ZNF559: variants seen among roughly 807,000 people sequenced by gnomAD.
ZNF559 encodes the protein zinc finger protein 559, also known as putative protein product of Nbla00121.
ZNF559 carries 17 observed loss-of-function variants against 14.2 expected under a neutral mutation model. The ratio of observed to expected loss-of-function variants is 1.20; its 90% CI spans 0.82 to 1.80. The LOEUF is 1.80. Among genes scored for constraint, ZNF559 ranks in the 40% most tolerant of loss-of-function variants. The probability of loss-of-function intolerance (pLI) is 0.00; values close to 1 mark genes in which losing one functional copy is unlikely to be tolerated. For synonymous variants in ZNF559, 244 were observed against 212.4 expected (o/e 1.15, Z -1.29); for missense variants, 740 against 629.7 (o/e 1.18, Z -1.88).
chr19:9,324,243 C>T lies in ZNF559; in HGVS notation c.-206+15C>T. On this transcript the variant is annotated intron_variant, in intron 1 of 6. Transcript: ENST00000603380. The stretch of plus-strand genomic sequence containing the variant: ...TGGCGTCTGAGGTAAGTTTTTGTTT[C>T]TGGGCGGCGTTCGGTGGTGTCCCGG... 6.5e-7 allele frequency: 1 copy of T among 1,536,080 alleles called. No homozygotes were observed. Among genetic ancestry groups the T allele is most frequent in the South Asian group, 1.2e-5 (1 of 84,066 alleles).
chr19:9,342,795 C>G lies in ZNF559; in HGVS notation c.1344C>G (p.Tyr448Ter), dbSNP rs1293828163. 2 of 1,613,834 alleles carry G rather than the reference C, an allele frequency of 1.2e-6. No homozygotes were observed. The highest frequency in any genetic ancestry group is 2.2e-5 in the South Asian group (2 of 91,058). Residue 448 changes from tyrosine (Y) to a stop codon, truncating the protein, a stop_gained, in exon 7 of 7, where the codon TAC (tyrosine) becomes TAG (stop). Transcript: ENST00000603380. LOFTEE classifies it low-confidence loss of function (END_TRUNC). ...AGGAATGTGGGAAAGCCTTTAGATA[C>G]TCCTCGCACCTTAGTCAACATAAAA... ...ECEECGKAFR[Y>*]SSHLSQHKRI...
At chr19:9,330,782 G>T (rs1254875547) in intron 2 of ZNF559, among the ~76,000 whole-genome samples, 1 of 152,066 alleles carries the variant, frequency 6.6e-6, no homozygotes, top group Non-Finnish European at 1.5e-5. Flanking sequence ...TCCTTCTCAG[G>T]TTATTCACAG....
intron 2 of ZNF559, among the ~76,000 whole-genome samples, chr19:9,329,399 T>G (rs1319719487): frequency 3.3e-5 from 5 of 152,190 alleles, no homozygotes; most frequent in Admixed American, 3.3e-4. Context: ...ATATTTGCTT[T>G]ATGTATGATG....
At position 9,342,791 on chromosome 19, in the gene ZNF559, G is replaced by GATA; in HGVS notation, c.1341_1343dup (p.Arg447_Tyr448insTer). ...TGTGAGGAATGTGGGAAAGCCTTTA[G>GATA]ATACTCCTCGCACCTTAGTCAACAT... On this transcript the variant is annotated stop_gained and inframe_insertion, in exon 7 of 7. Transcript: ENST00000603380. LOFTEE classifies it low-confidence loss of function (END_TRUNC). The GATA allele has an allele frequency of 6.2e-7, 1 of 1,613,818 alleles. No homozygotes were observed. Among genetic ancestry groups the GATA allele is most frequent in the Non-Finnish European group, 8.5e-7 (1 of 1,179,958 alleles).
chr19:9,332,538 A>G (rs2066996034), intron 2 of ZNF559, among the ~76,000 whole-genome samples: 1 of 152,162 alleles, frequency 6.6e-6, no homozygotes, highest in African/African-American at 2.4e-5. Flanking sequence ...CAGGGAGGCT[A>G]CATGCACCTC....
At chr19:9,334,412 G>A (rs1356953843) in intron 2 of ZNF559, among the ~76,000 whole-genome samples, 1 of 152,176 alleles carries the variant, frequency 6.6e-6, no homozygotes, top group African/African-American at 2.4e-5. Context: ...ATTATGGAGT[G>A]CTTTTCGGTA....
intron 2 of ZNF559, among the ~76,000 whole-genome samples, chr19:9,332,490 C>T (rs906381574): frequency 3.9e-5 from 6 of 152,074 alleles, no homozygotes; most frequent in Non-Finnish European, 7.4e-5. Context: ...ACCCCTTTGC[C>T]CTGCCACTTG....
In ZNF559 at chr19:9,327,798, G is replaced by A. The variant is rs541290598; in HGVS notation, c.-120+3018G>A. On this transcript the variant is annotated intron_variant, in intron 2 of 6. Transcript: ENST00000603380. ...GTATTATAATCAATTCCTGTCATTC[G>A]TATTGATGCTCAAACTGTCCCAATT... Among the ~76,000 whole-genome samples the A allele has an allele frequency of 9.2e-5, 14 of 151,566 alleles. 1 individual carries two copies. Among genetic ancestry groups the A allele is most frequent in the African/African-American group, 2.9e-4 (12 of 41,266 alleles).
upstream of ZNF559, chr19:9,324,059 G>GC: frequency 1.7e-6 from 2 of 1,209,074 alleles, no homozygotes; most frequent in Middle Eastern, 4.0e-4. Flanking sequence ...GAGGTAAACA[G>GC]CATTTCCTCT....
At chr19:9,340,849 G>A (rs924875703) in intron 5 of ZNF559, among the ~76,000 whole-genome samples, 2 of 151,362 alleles carry the variant, frequency 1.3e-5, no homozygotes, top group Non-Finnish European at 2.9e-5. Context: ...GGGATTACAG[G>A]TGTGAGCCAC....
At chr19:9,335,008 C>T (rs573266100) in intron 2 of ZNF559, among the ~76,000 whole-genome samples, 43 of 151,888 alleles carry the variant, frequency 2.8e-4, no homozygotes, top group African/African-American at 8.7e-4. Flanking sequence ...TGGTGGTGGG[C>T]GCCTGTAGTC....
chr19:9,341,580 G>A, intron 6 of ZNF559, 115 bp from the exon 7 acceptor site: 4 of 1,554,556 alleles, frequency 2.6e-6, no homozygotes, highest in Non-Finnish European at 2.6e-6. Flanking sequence ...GGAACAAACA[G>A]TTTCAATTAT....
chr19:9,330,817 A>G (rs1431250774), intron 2 of ZNF559, among the ~76,000 whole-genome samples: 1 of 152,116 alleles, frequency 6.6e-6, no homozygotes, highest in Non-Finnish European at 1.5e-5. Flanking sequence ...TGGGTTGGCT[A>G]CTGAATATTT....
chr19:9,339,404 A>AT (rs1351325615), intron 5 of ZNF559, 85 bp downstream of exon 5: 1 of 1,445,442 alleles, frequency 6.9e-7, no homozygotes. Flanking sequence ...CTGCTTGTTA[A>AT]TGGGCTGCAT....
rs2067702612 is a variant in ZNF559, at chr19:9,345,186, C to T, written c.*2118C>T. ...GTCCATTTCACTGCTGAATAGTATT[C>T]CATTGCAAGGCATACCACAAGCTAT... is the stretch of plus-strand genomic sequence containing the variant. On this transcript the variant is annotated 3_prime_UTR_variant, in exon 7 of 7. Coordinates refer to ENST00000603380, the MANE Select transcript of ZNF559 (RefSeq NM_032497.3). 1 of 152,148 alleles carries T rather than the reference C, an allele frequency of 6.6e-6. No homozygotes were observed. The highest frequency in any genetic ancestry group is 2.1e-4 in the South Asian group (1 of 4,824). 9.4% of individuals were successfully genotyped at this position (152,148 alleles called of 1,614,324 possible).
At chr19:9,331,037 CCTT>C (rs2066910958) in intron 2 of ZNF559, among the ~76,000 whole-genome samples, 1 of 152,200 alleles carries the variant, frequency 6.6e-6, no homozygotes. Context: ...GACAAGCACA[CCTT>C]CTCTTCTCTC....
rs1025255247 is a variant in ZNF559, at chr19:9,324,447, C to G, written c.-206+219C>G. On this transcript the variant is annotated intron_variant, in intron 1 of 6. Transcript: ENST00000603380. ...GAGGCGGCTGCGCTGGGGCCTCGGC[C>G]CGGGAGGAGGCGGGGGGCACGGCCT... 14 of 1,435,368 alleles carry G rather than the reference C, an allele frequency of 9.8e-6. No homozygotes were observed. In the African/African-American group the frequency reaches 2.0e-4, roughly 21 times the overall value. 88.9% of individuals were successfully genotyped at this position (1,435,368 alleles called of 1,614,324 possible).
chr19:9,331,511 C>T (rs2066934178), intron 2 of ZNF559, among the ~76,000 whole-genome samples: 1 of 152,168 alleles, frequency 6.6e-6, no homozygotes, highest in Non-Finnish European at 1.5e-5. Context: ...TCTTACATCA[C>T]ACAAAATAGA....
rs372334660 is a variant in ZNF559, at chr19:9,338,586, A to C, written c.33+4A>C. ...GTGGTTGACAAATTACTCTCAGGTA[A>C]GTAGGAAATTGCTTTTTCTGTAGAA... On this transcript the variant is annotated splice_donor_region_variant and intron_variant, in intron 4 of 6. Transcript: ENST00000603380. 3.2e-5 allele frequency: 52 copies of C among 1,611,520 alleles called. No homozygotes were observed. The African/African-American group carries it at 6.4e-4, about 20-fold the overall frequency.
Sources: allele counts gnomAD v4.1 joint callset (sites outside exome capture counted in the v4.1 genomes callset), GRCh38; gene constraint gnomAD v4.1.1; transcripts MANE v1.5; gene names NCBI Gene and HGNC (gene_info 2026-07-23, HGNC 2026-07-21).